TASOR2: variants seen among roughly 807,000 people sequenced by gnomAD.
The protein encoded by TASOR2 is transcription activation suppressor family member 2.
A neutral mutation model predicts 199.5 loss-of-function variants in TASOR2; 84 were observed. The observed-to-expected ratio is 0.42, with a 90% confidence interval of 0.35 to 0.50. The LOEUF is 0.50. TASOR2 is among the 20% of genes least tolerant of loss of function. The pLI, the probability that TASOR2 is intolerant of heterozygous loss-of-function variation, is 0.02. For synonymous variants in TASOR2, 1,103 were observed against 1,046.6 expected (o/e 1.05, Z -1.04); for missense variants, 2,796 against 2,835.9 (o/e 0.99, Z 0.32).
At chr10:5,757,982 A>C (rs1435454139) in intron 17 of TASOR2, among the ~76,000 whole-genome samples, 1 of 152,166 alleles carries the variant, frequency 6.6e-6, no homozygotes, top group African/African-American at 2.4e-5. Flanking sequence ...TTCACTTGCC[A>C]AGTCAGAGCA....
rs112068334 is a variant in TASOR2, at chr10:5,710,145, A to T, written c.-287-2678A>T. On this transcript the variant is annotated intron_variant, in intron 1 of 20. Transcript: ENST00000328090. This position sits in a 1 kb window ranked among gnomAD's most constrained non-coding sequence, Gnocchi z 4.6. ...TGATTGGACTCTCAAATGAAAGTGT[A>T]TTTTGTAAAGAAGGGAGAGCGTCAA... 0.011 allele frequency among the ~76,000 whole-genome samples: 1,662 copies of T among 152,236 alleles called. 32 individuals are homozygous for T. Among genetic ancestry groups the T allele is most frequent in the African/African-American group, 0.037 (1,522 of 41,542 alleles).
chr10:5,723,176 C>T (rs1330133518), intron 6 of TASOR2, among the ~76,000 whole-genome samples: 4 of 150,756 alleles, frequency 2.7e-5, no homozygotes, highest in African/African-American at 4.9e-5. Context: ...CTCAGCCTCC[C>T]GAGTAGCTGG....
intron 14 of TASOR2, 60 bp from the exon 16 acceptor site, chr10:5,746,119 A>G (rs1002284309): frequency 5.4e-6 from 8 of 1,474,410 alleles, no homozygotes; most frequent in Admixed American, 2.3e-5. Flanking sequence ...TGTACATATA[A>G]TCGTATAAAA....
rs1554784532 is a variant in TASOR2, at chr10:5,762,513, T to TTTG, written c.7175-17_7175-16insGTT. 40 of 538,582 alleles carry TTTG rather than the reference T, an allele frequency of 7.4e-5. No individual in the cohort carries two copies. The highest frequency in any genetic ancestry group is 6.7e-4 in the African/African-American group (33 of 49,386). The allele number at this position is 538,582 out of a possible 1,614,324, so 33.4% of individuals were successfully genotyped here. A position where few individuals can be genotyped will look rare whatever the true frequency, so the allele number is the denominator to read the frequency against. On this transcript the variant is annotated intron_variant, in intron 19 of 20. Coordinates refer to ENST00000328090, the Ensembl canonical transcript of TASOR2. ...ATTAATTATATTAACCAAAAGTTGT[T>TTTG]TTTTTTTTTTTTTAACAGACAAGCC...
Position 5,748,249 on chromosome 10 carries a change from A to G in TASOR2, c.4828A>G (p.Ser1610Gly), listed in dbSNP as rs1225193339. 1 of 1,614,118 alleles carries G rather than the reference A, an allele frequency of 6.2e-7. No homozygotes were observed. The highest frequency in any genetic ancestry group is 8.5e-7 in the Non-Finnish European group (1 of 1,180,048). The change falls in exon 15 of 21, where the codon AGC becomes GGC. Residue 1610 changes from serine to glycine, a missense_variant. Ser to Gly is a moderately conservative substitution (Grantham distance 56). Around this residue, in one of 3 missense-constraint regions of TASOR2, gnomAD observed 1,941 missense variants for 1,924.9 expected, o/e 1.01. Transcript: ENST00000328090. The surrounding 1 kb of genome is among the most constrained non-coding windows in gnomAD (Gnocchi z 5.1). ...GAATGTGTCAGTAAAACAGCAGACT[A>G]GCCCTAAAAGCAGTCAGAACCATCT...
chr10:5,747,504 G>C, exon 15 of TASOR2: 1 of 1,613,936 alleles, frequency 6.2e-7, no homozygotes, highest in Admixed American at 1.7e-5. Context: ...AGAGAAAGGG[G>C]GATAATTTAC....
At chr10:5,749,640 T>C (rs1314698708) in exon 15 of TASOR2, 1 of 1,614,010 alleles carries the variant, frequency 6.2e-7, no homozygotes, top group Non-Finnish European at 8.5e-7. Flanking sequence ...GAGAGAGATG[T>C]AGTCATAATA....
chr10:5,755,685 C>A (rs939646878), intron 15 of TASOR2, among the ~76,000 whole-genome samples: 30 of 152,128 alleles, frequency 2.0e-4, no homozygotes, highest in Non-Finnish European at 7.4e-5. Context: ...AATCCTTCAG[C>A]CAGATAGTCA....
intron 1 of TASOR2, among the ~76,000 whole-genome samples, chr10:5,708,451 T>A (rs1831416314): frequency 6.6e-6 from 1 of 152,324 alleles, no homozygotes; most frequent in Middle Eastern, 3.4e-3. Flanking sequence ...TTTTAGATAC[T>A]CCTACACATT....
chr10:5,732,412 A>G (rs951479133), intron 11 of TASOR2, among the ~76,000 whole-genome samples: 4 of 152,248 alleles, frequency 2.6e-5, no homozygotes, highest in East Asian at 1.9e-4. Context: ...TATGTACTCT[A>G]TGGCCCCTCA....
At chr10:5,739,024 A>G (rs1359044819) in intron 12 of TASOR2, among the ~76,000 whole-genome samples, 1 of 152,216 alleles carries the variant, frequency 6.6e-6, no homozygotes, top group East Asian at 1.9e-4. Flanking sequence ...GATTCTGAAT[A>G]CTCTTAGGAC....
In TASOR2 at chr10:5,747,987, T is replaced by A. The variant is rs374431441; in HGVS notation, c.4566T>A (p.Gly1522=). Residue 1522 remains glycine, a synonymous_variant, in exon 15 of 21, where the codon GGT becomes GGA. Transcript: ENST00000328090. Reference sequence around the variant, plus strand: ...TCTCAGGAAAGGTGCAGTGCTATGGTAGGGAGTTAAACCAGCCTGCCTCAG... The same window carrying A: ...TCTCAGGAAAGGTGCAGTGCTATGGAAGGGAGTTAAACCAGCCTGCCTCAG... 2.5e-6 allele frequency: 4 copies of A among 1,610,448 alleles called. No homozygotes were observed. In the African/African-American group the frequency reaches 5.5e-5, roughly 22 times the overall value.
chr10:5,749,722 G>A (rs1837754559), exon 15 of TASOR2: 4 of 1,614,192 alleles, frequency 2.5e-6, no homozygotes, highest in Non-Finnish European at 2.5e-6. Flanking sequence ...CAACAGTACT[G>A]TGAAGGAATC....
At position 5,748,743 on chromosome 10, in the gene TASOR2, C is replaced by T. The variant is rs750073973; in HGVS notation, c.5322C>T (p.Ser1774=). ...ACCTCAGTAAAGAGCCTTTGGCCTC[C>T]TTTGTTTCAGAATCCTTTGATACTT... The change falls in exon 15 of 21, where the codon TCC becomes TCT. Residue 1774 remains serine, a synonymous_variant. Coordinates refer to ENST00000328090, the Ensembl canonical transcript of TASOR2. The surrounding 1 kb of genome is among the most constrained non-coding windows in gnomAD (Gnocchi z 5.1). The T allele has an allele frequency of 2.5e-6, 4 of 1,614,176 alleles. No individual in the cohort carries two copies. In the South Asian group the frequency reaches 3.3e-5, roughly 13 times the overall value.
chr10:5,749,248 G>A lies in TASOR2; in HGVS notation c.5827G>A (p.Gly1943Ser), dbSNP rs139283778. ...CAAAGATACCATGAGAACTTCACAC[G>A]GCCTGAGGAGGCACCCGAGTTTCAG... Residue 1943 changes from glycine (G) to serine (S), a missense_variant, in exon 15 of 21, where the codon GGC becomes AGC. By Grantham distance (56) the Gly-to-Ser change is moderately conservative. Coordinates refer to ENST00000328090, the Ensembl canonical transcript of TASOR2. 2.2e-4 allele frequency: 356 copies of A among 1,614,136 alleles called. 1 individual carries two copies. The African/African-American group carries it at 3.7e-3, about 17-fold the overall frequency.
At chr10:5,747,931 G>A (rs1837449193) in exon 15 of TASOR2, 2 of 1,613,840 alleles carry the variant, frequency 1.2e-6, no homozygotes, top group Non-Finnish European at 1.7e-6. Context: ...TGAGGAAATT[G>A]TCTCAAGTGA....
intron 1 of TASOR2, among the ~76,000 whole-genome samples, chr10:5,707,690 C>CCA (rs3047327): frequency 6.7e-6 from 1 of 150,094 alleles, no homozygotes; most frequent in South Asian, 2.1e-4. Flanking sequence ...CCCCCCAACC[C>CCA]CACACACACA....
intron 1 of TASOR2, among the ~76,000 whole-genome samples, chr10:5,700,649 C>G (rs1268647592): frequency 6.6e-6 from 1 of 152,060 alleles, no homozygotes; most frequent in Non-Finnish European, 1.5e-5. Flanking sequence ...GATGATGTCT[C>G]GTAGTTTTGA....
chr10:5,757,819 G>A (rs1466356619), intron 17 of TASOR2, 146 bp downstream of exon 18: 4 of 783,482 alleles, frequency 5.1e-6, no homozygotes, highest in Non-Finnish European at 8.3e-6. Context: ...GCTGTCTGCT[G>A]TGCTCTTTTC....
Sources: gnomAD v4.1 joint callset for allele counts (sites outside exome capture counted in the v4.1 genomes callset) on GRCh38, gnomAD v4.1.1 for gene constraint, gnomAD v4.1.1 regional missense constraint, Gnocchi (gnomAD v3.1) non-coding constraint, MANE v1.5 for transcripts, NCBI Gene and HGNC (gene_info 2026-07-23, HGNC 2026-07-21) for gene names.